CSPG4: variants seen among roughly 807,000 people sequenced by gnomAD.
CSPG4 encodes the protein chondroitin sulfate proteoglycan 4.
CSPG4 carries 74 observed loss-of-function variants against 139.3 expected under a neutral mutation model. That is an observed-to-expected ratio of 0.53 (90% CI 0.44 to 0.64). The LOEUF (loss-of-function observed/expected upper bound fraction) is 0.64. CSPG4 is among the 30% of genes least tolerant of loss of function. The probability of loss-of-function intolerance (pLI) is 0.00; values close to 1 mark genes in which losing one functional copy is unlikely to be tolerated. For synonymous variants in CSPG4, 1,234 were observed against 1,394.2 expected (o/e 0.89, Z 2.56); for missense variants, 2,565 against 3,148.3 (o/e 0.81, Z 4.43).
chr15:75,677,601 G>C (rs1717885560), intron 9 of CSPG4, 102 bp downstream of exon 9: 2 of 1,373,044 alleles, frequency 1.5e-6, no homozygotes, highest in African/African-American at 2.9e-5. Flanking sequence ...CCAGGTCCTG[G>C]GGGCTGAGAC....
upstream of CSPG4, chr15:75,712,900 G>A: frequency 1.6e-6 from 1 of 615,570 alleles, no homozygotes; most frequent in Non-Finnish European, 2.7e-6. Context: ...GGCAGGCGCA[G>A]ACCCGCGCGC....
At position 75,690,791 on chromosome 15, in the gene CSPG4, C is replaced by T; in HGVS notation, c.274G>A (p.Glu92Lys). 6 of 1,611,586 alleles carry T rather than the reference C, an allele frequency of 3.7e-6. No individual in the cohort carries two copies. Among genetic ancestry groups the T allele is most frequent in the Non-Finnish European group, 5.1e-6 (6 of 1,178,908 alleles). ...RLQVRLVLGQ[E>K]ELRLQTPAET... is the part of the protein sequence containing the mutation. ...GCTGGAGTCTGCAGCCTCAGCTCCTCCTGGCCCAGAACAAGTCTGACCTGA... is the reference window on the plus strand; with the variant it reads ...GCTGGAGTCTGCAGCCTCAGCTCCTTCTGGCCCAGAACAAGTCTGACCTGA... Residue 92 changes from glutamate to lysine, a missense_variant, in exon 3 of 10, where the codon GAG becomes AAG. Transcript: ENST00000308508.
chr15:75,707,733 C>A (rs1259196008), intron 1 of CSPG4, among the ~76,000 whole-genome samples: 3 of 152,220 alleles, frequency 2.0e-5, no homozygotes, highest in African/African-American at 7.2e-5. Context: ...GGCAGGCGTC[C>A]CATATTCCCA....
intron 1 of CSPG4, among the ~76,000 whole-genome samples, chr15:75,708,658 C>T (rs1894404908): frequency 6.6e-6 from 1 of 152,212 alleles, no homozygotes; most frequent in Non-Finnish European, 1.5e-5. Flanking sequence ...AGTGAGAACA[C>T]CACGGCCTGT....
rs959006417 is a variant in CSPG4, at chr15:75,698,034, G to A, written c.89-4801C>T. 1.3e-5 allele frequency among the ~76,000 whole-genome samples: 2 copies of A among 152,182 alleles called. No individual in the cohort carries two copies. The highest frequency in any genetic ancestry group is 6.5e-5 in the Admixed American group (1 of 15,290). On this transcript the variant is annotated intron_variant, in intron 1 of 9. Coordinates refer to ENST00000308508, the MANE Select transcript of CSPG4 (RefSeq NM_001897.5). The surrounding 1 kb of genome is among the most constrained non-coding windows in gnomAD (Gnocchi z 4.3). ...GGAAGGAGACGGAGGAGGAAAACTCGAGGGAGACAGAGAAGGCGGGATGTT... is the reference window on the plus strand; with the variant it reads ...GGAAGGAGACGGAGGAGGAAAACTCAAGGGAGACAGAGAAGGCGGGATGTT...
intron 8 of CSPG4, among the ~76,000 whole-genome samples, chr15:75,681,800 A>T (rs1361320618): frequency 6.6e-6 from 1 of 152,174 alleles, no homozygotes; most frequent in Non-Finnish European, 1.5e-5. Context: ...TGGCTGACTC[A>T]GCTGCCTTTC....
chr15:75,706,242 C>T (rs1390595390), intron 1 of CSPG4, among the ~76,000 whole-genome samples: 3 of 152,230 alleles, frequency 2.0e-5, no homozygotes, highest in Non-Finnish European at 2.9e-5. Flanking sequence ...CCCTCTGTCT[C>T]CCCAGAGAGT....
chr15:75,689,195 C>T lies in CSPG4; in HGVS notation c.1870G>A (p.Gly624Ser), dbSNP rs145774896. ...TEFSCRELEA[G>S]SLVYVHRGGP... ...CCGCGGTGGACATAGACTAGGCTGC[C>T]GGCCTCCAACTCCCGGCAGGAGAAC... Residue 624 changes from glycine (G) to serine (S), a missense_variant, in exon 3 of 10, where the codon GGC becomes AGC. By Grantham distance (56) the Gly-to-Ser change is moderately conservative. This residue lies in a region of CSPG4 where 2,316 missense variants were observed against 2,818.2 expected (regional missense o/e 0.82). Coordinates refer to ENST00000308508, the MANE Select transcript of CSPG4 (RefSeq NM_001897.5). The T allele has an allele frequency of 3.6e-5, 58 of 1,607,058 alleles. No homozygotes were observed. Among genetic ancestry groups the T allele is most frequent in the South Asian group, 3.4e-4 (31 of 90,644 alleles).
At chr15:75,679,017 G>C (rs1235875800) in intron 8 of CSPG4, 3 of 333,266 alleles carry the variant, frequency 9.0e-6, no homozygotes, top group Non-Finnish European at 1.8e-5. Flanking sequence ...CTTATGGCCA[G>C]GTCTCCAGGC....
rs1894074773 is a variant in CSPG4 at position 75,687,344 on chromosome 15, G to A, written c.3721C>T (p.Leu1241=). The change falls in exon 3 of 10, where the codon CTG becomes TTG. Residue 1241 remains leucine (L), a synonymous_variant. Transcript: ENST00000308508. The surrounding 1 kb of genome is among the most constrained non-coding windows in gnomAD (Gnocchi z 5.4). ...ACGTAGATCTTCTTGTGCCGGACCAGCTTCAGTGGGGCCAGTGGGCCCTCT... is the reference window on the plus strand; with the variant it reads ...ACGTAGATCTTCTTGTGCCGGACCAACTTCAGTGGGGCCAGTGGGCCCTCT... The part of the protein sequence containing the change: ...ALEGPLAPLK[L]VRHKKIYVFQ... 1 of 1,612,618 alleles carries A rather than the reference G, an allele frequency of 6.2e-7. No homozygotes were observed.
At chr15:75,694,941 G>A (rs534412070) in intron 1 of CSPG4, among the ~76,000 whole-genome samples, 3 of 152,254 alleles carry the variant, frequency 2.0e-5, no homozygotes, top group Admixed American at 2.0e-4. Flanking sequence ...TAGCACAAGG[G>A]GTGGGGGCAC....
At chr15:75,709,773 C>T (rs977558042) in intron 1 of CSPG4, among the ~76,000 whole-genome samples, 9 of 152,198 alleles carry the variant, frequency 5.9e-5, no homozygotes, top group African/African-American at 2.2e-4. Context: ...TCATCGACAG[C>T]CGCCTGGCCC....
At chr15:75,683,122 C>T in intron 5 of CSPG4, 81 bp from the exon 6 acceptor site, 1 of 1,399,772 alleles carries the variant, frequency 7.1e-7, no homozygotes, top group Non-Finnish European at 9.8e-7. Flanking sequence ...GCCACCAGGG[C>T]TCCAGTCCTG....
chr15:75,712,844 G>C lies in CSPG4; in HGVS notation c.-89C>G, dbSNP rs1356668418. The stretch of plus-strand genomic sequence containing the variant: ...TGGAGCGAGCGCGGCTCTGCTCCTG[G>C]GCGCGGGCCGGCTCCGGGTGTCCGC... On this transcript the variant is annotated 5_prime_UTR_variant, in exon 1 of 10. Coordinates refer to ENST00000308508, the MANE Select transcript of CSPG4 (RefSeq NM_001897.5). 1.8e-6 allele frequency: 2 copies of C among 1,135,512 alleles called. No homozygotes were observed. Among genetic ancestry groups the C allele is most frequent in the East Asian group, 6.1e-5 (2 of 32,898 alleles). 70.3% of individuals were successfully genotyped at this position (1,135,512 alleles called of 1,614,324 possible).
rs375423534 is a variant in CSPG4 at position 75,688,655 on chromosome 15, T to C, written c.2410A>G (p.Thr804Ala). 6.8e-6 allele frequency: 11 copies of C among 1,612,292 alleles called. No homozygotes were observed. The African/African-American group carries it at 1.3e-4, about 20-fold the overall frequency. The change falls in exon 3 of 10, where the codon ACA becomes GCA. Residue 804 changes from threonine (T) to alanine (A), a missense_variant. Physicochemically the swap from Thr to Ala is moderately conservative, Grantham distance 58 (BLOSUM62 0). Around this residue, in one of 5 missense-constraint regions of CSPG4, gnomAD observed 2,316 missense variants for 2,818.2 expected, o/e 0.82. Transcript: ENST00000308508. ...TCCAGGGTGGCCTCCAGGTGGGCTG[T>C]GGTGAGGGTCTCCTGCTGGGTGTTC... ...TQNTQQETLTTAHLEATLEEA... is the reference protein window; with the variant it reads ...TQNTQQETLTAAHLEATLEEA...
chr15:75,687,250 C>A lies in CSPG4; in HGVS notation c.3789+26G>T. 2 of 1,608,346 alleles carry A rather than the reference C, an allele frequency of 1.2e-6. No individual in the cohort carries two copies. Among genetic ancestry groups the A allele is most frequent in the South Asian group, 2.2e-5 (2 of 90,820 alleles). On this transcript the variant is annotated intron_variant, in intron 3 of 9. Coordinates refer to ENST00000308508, the MANE Select transcript of CSPG4 (RefSeq NM_001897.5). This position sits in a 1 kb window ranked among gnomAD's most constrained non-coding sequence, Gnocchi z 5.4. Reference sequence around the variant, plus strand: ...GAAGGCCCTCTACCTGGCCCACACCCCTGCTCACCACCTCCAACTCCTCAC... The same window carrying A: ...GAAGGCCCTCTACCTGGCCCACACCACTGCTCACCACCTCCAACTCCTCAC...
rs777124122 is a variant in CSPG4, at chr15:75,685,664, A to G, written c.3827T>C (p.Phe1276Ser). The change falls in exon 4 of 10, where the codon TTC (phenylalanine) becomes TCC (serine). Residue 1276 changes from phenylalanine (F) to serine (S), a missense_variant. Phe to Ser is a radical substitution (Grantham distance 155). Coordinates refer to ENST00000308508, the MANE Select transcript of CSPG4 (RefSeq NM_001897.5). The stretch of plus-strand genomic sequence containing the variant: ...GGCACTCGGTGGGCTCTTCACTGAG[A>G]ATACGATGTCTGCAGGTGGCACTGC... ...QEAVPPADIVFSVKSPPSAGY... is the reference protein window; with the variant it reads ...QEAVPPADIVSSVKSPPSAGY... 6.9e-5 allele frequency: 110 copies of G among 1,605,068 alleles called. No homozygotes were observed. Among genetic ancestry groups the G allele is most frequent in the Non-Finnish European group, 9.2e-5 (108 of 1,179,200 alleles).
rs139962032 is a variant in CSPG4 at position 75,687,682 on chromosome 15, C to T, written c.3383G>A (p.Arg1128His). The stretch of plus-strand genomic sequence containing the variant: ...CACAAGGCTGGAGCCGTTGGCCACA[C>T]GGAGGTAGGGTTCCGAGGCCTGCAC... ...LEVQASEPYLRVANGSSLVVP... is the reference protein window; with the variant it reads ...LEVQASEPYLHVANGSSLVVP... Residue 1128 changes from arginine to histidine, a missense_variant, in exon 3 of 10, where the codon CGT becomes CAT. Arg to His is a conservative substitution (Grantham distance 29). Transcript: ENST00000308508. This position sits in a 1 kb window ranked among gnomAD's most constrained non-coding sequence, Gnocchi z 5.4. The T allele has an allele frequency of 3.9e-5, 63 of 1,612,816 alleles. No homozygotes were observed. In the Middle Eastern group the frequency reaches 4.9e-4, roughly 13 times the overall value.
At chr15:75,708,760 T>C (rs775417042) in intron 1 of CSPG4, among the ~76,000 whole-genome samples, 16 of 152,214 alleles carry the variant, frequency 1.1e-4, no homozygotes, top group Non-Finnish European at 2.1e-4. Flanking sequence ...GGTATGGTGG[T>C]TCACACCTGT....
Sources: allele counts gnomAD v4.1 joint callset (sites outside exome capture counted in the v4.1 genomes callset), GRCh38; gene constraint gnomAD v4.1.1; regional missense constraint gnomAD v4.1.1; non-coding constraint Gnocchi (gnomAD v3.1); transcripts MANE v1.5; gene names NCBI Gene and HGNC (gene_info 2026-07-23, HGNC 2026-07-21).